The following ATP10A variants were observed in gnomAD, a reference collection of about 807,000 sequenced individuals.
ATP10A encodes ATPase phospholipid transporting 10A (putative).
A neutral mutation model predicts 147.8 loss-of-function variants in ATP10A; 111 were observed. The ratio of observed to expected loss-of-function variants is 0.75; its 90% CI spans 0.64 to 0.88. The LOEUF (loss-of-function observed/expected upper bound fraction) is 0.88, where lower values mean the gene tolerates loss of function less well. ATP10A is among the 40% of genes least tolerant of loss of function. ATP10A has a pLI of 0.00. For missense variants in ATP10A, 1,927 were observed against 1,959.0 expected (o/e 0.98, Z 0.31); for synonymous variants, 875 against 841.6 (o/e 1.04, Z -0.69).
chr15:25,725,351 T>A (rs1026836899), intron 5 of ATP10A, among the ~76,000 whole-genome samples: 1 of 152,044 alleles, frequency 6.6e-6, no homozygotes, highest in Non-Finnish European at 1.5e-5. Context: ...TAGAGGAGGG[T>A]ATAGGTAGGT....
chr15:25,786,241 GTGCC>G (rs1454538833), intron 1 of ATP10A, among the ~76,000 whole-genome samples: 3 of 152,172 alleles, frequency 2.0e-5, no homozygotes, highest in East Asian at 1.9e-4. Flanking sequence ...GGGTTCCTGG[GTGCC>G]TGCCACCCCA....
intron 2 of ATP10A, among the ~76,000 whole-genome samples, chr15:25,780,696 G>C (rs1889875174): frequency 6.6e-6 from 1 of 152,240 alleles, no homozygotes; most frequent in Non-Finnish European, 1.5e-5. Flanking sequence ...TAGTAAACCA[G>C]TGAAACAGCT....
intron 19 of ATP10A, among the ~76,000 whole-genome samples, 167 bp downstream of exon 19, chr15:25,680,643 A>G (rs1020339009): frequency 2.0e-5 from 3 of 152,156 alleles, no homozygotes; most frequent in African/African-American, 7.2e-5. Flanking sequence ...GGCTCCCCAC[A>G]CCACAGGGCT....
At chr15:25,725,479 A>G (rs1457227199) in intron 5 of ATP10A, among the ~76,000 whole-genome samples, 1 of 152,144 alleles carries the variant, frequency 6.6e-6, no homozygotes, top group Non-Finnish European at 1.5e-5. Context: ...ATACTCTGTC[A>G]TGCCCATTCA....
At chr15:25,767,916 C>T (rs1356361265) in intron 2 of ATP10A, among the ~76,000 whole-genome samples, 1 of 152,182 alleles carries the variant, frequency 6.6e-6, no homozygotes, top group East Asian at 1.9e-4. Context: ...AACATGCCAA[C>T]CTGGATGGGT....
intron 2 of ATP10A, among the ~76,000 whole-genome samples, chr15:25,761,683 T>C (rs771112510): frequency 7.2e-5 from 11 of 152,244 alleles, no homozygotes; most frequent in Non-Finnish European, 1.5e-4. Context: ...TGGACTTGCA[T>C]GGGGCCTGTA....
At position 25,862,849 on chromosome 15, in the gene ATP10A, A is replaced by G. The variant is rs893783763; in HGVS notation, c.248T>C (p.Phe83Ser). The G allele has an allele frequency of 7.5e-6, 12 of 1,610,334 alleles. No individual in the cohort carries two copies. The highest frequency in any genetic ancestry group is 1.0e-5 in the Non-Finnish European group (12 of 1,178,520). Residue 83 changes from phenylalanine (F) to serine (S), a missense_variant, in exon 1 of 21, where the codon TTC becomes TCC. Transcript: ENST00000555815. Reference sequence around the variant, plus strand: ...AAAGTACACGTTGGCCGGGCGGTGGAACTGCTCGAACAGGTTCTTGGGCAG... The same window carrying G: ...AAAGTACACGTTGGCCGGGCGGTGGGACTGCTCGAACAGGTTCTTGGGCAG... ...SFLPKNLFEQ[F>S]HRPANVYFVF... is the part of the protein sequence containing the mutation.
At position 25,862,959 on chromosome 15, in the gene ATP10A, C is replaced by T; in HGVS notation, c.138G>A (p.Lys46=). The T allele has an allele frequency of 6.5e-7, 1 of 1,542,400 alleles. No homozygotes were observed. The highest frequency in any genetic ancestry group is 8.7e-7 in the Non-Finnish European group (1 of 1,151,878). ...ACCCGCGCCGCCGTCGCCGCTCGCC[C>T]TTGGCCGCGCCAGCCGCAGGGTCCT... ...GAEDPAAGAA[K]GERRRRRGCA... is the part of the protein sequence containing the mutation. Residue 46 remains lysine, a synonymous_variant, in exon 1 of 21, where the codon AAG becomes AAA. Coordinates refer to ENST00000555815, the MANE Select transcript of ATP10A (RefSeq NM_024490.4).
intron 2 of ATP10A, among the ~76,000 whole-genome samples, chr15:25,768,536 CTCTCT>C (rs1268555923): frequency 8.2e-5 from 9 of 109,788 alleles, no homozygotes; most frequent in Non-Finnish European, 1.7e-4. Context: ...AGAGCTCTCT[CTCTCT>C]TTTTTTTTTT....
At chr15:25,696,001 G>A (rs541437813) in intron 13 of ATP10A, among the ~76,000 whole-genome samples, 3 of 152,218 alleles carry the variant, frequency 2.0e-5, no homozygotes, top group South Asian at 4.2e-4. Flanking sequence ...AGAGAAAGGA[G>A]GAAAACCTAC....
chr15:25,832,740 G>A (rs957927874), intron 1 of ATP10A, among the ~76,000 whole-genome samples: 1 of 152,224 alleles, frequency 6.6e-6, no homozygotes, highest in African/African-American at 2.4e-5. Flanking sequence ...GGGATAAGTT[G>A]TGGCATTCCG....
intron 1 of ATP10A, among the ~76,000 whole-genome samples, chr15:25,836,122 A>C (rs1222797000): frequency 6.6e-6 from 1 of 152,120 alleles, no homozygotes; most frequent in South Asian, 2.1e-4. Context: ...CTAATTTTTC[A>C]ATTTTTAGTA....
intron 1 of ATP10A, among the ~76,000 whole-genome samples, chr15:25,834,401 T>C (rs1290424517): frequency 6.6e-6 from 1 of 152,220 alleles, no homozygotes; most frequent in Non-Finnish European, 1.5e-5. Context: ...TCAAACATCA[T>C]GTACTTAACA....
chr15:25,679,876 T>C lies in ATP10A; in HGVS notation c.3965A>G (p.Lys1322Arg). 6.2e-7 allele frequency: 1 copy of C among 1,610,290 alleles called. No individual in the cohort carries two copies. The highest frequency in any genetic ancestry group is 8.5e-7 in the Non-Finnish European group (1 of 1,179,936). Residue 1322 changes from lysine to arginine, a missense_variant, in exon 21 of 21, where the codon AAA (lysine) becomes AGA (arginine). Physicochemically the swap from Lys to Arg is conservative, Grantham distance 26. Transcript: ENST00000555815. The stretch of plus-strand genomic sequence containing the variant: ...GAGGCGTCCCTGAGCAAAGGTCTCT[T>C]TGGGAGCACTGCATCTCCTGGGGGA... ...RKSPRRCSAP[K>R]ETFAQGRLPK... is the part of the protein sequence containing the mutation.
At chr15:25,682,053 TAAAAA>T (rs5811392) in intron 17 of ATP10A, among the ~76,000 whole-genome samples, 75 of 127,138 alleles carry the variant, frequency 5.9e-4, no homozygotes, top group Admixed American at 9.7e-4. Context: ...GACCTTGTCT[TAAAAA>T]AAAAAAAAAA....
intron 1 of ATP10A, among the ~76,000 whole-genome samples, chr15:25,818,911 T>G (rs2140839234): frequency 6.6e-6 from 1 of 152,206 alleles, no homozygotes; most frequent in Admixed American, 6.5e-5. Context: ...GGGACCCCTA[T>G]CTCTCACTCT....
chr15:25,733,722 T>C (rs1398831227), intron 3 of ATP10A, among the ~76,000 whole-genome samples: 1 of 152,166 alleles, frequency 6.6e-6, no homozygotes, highest in African/African-American at 2.4e-5. Flanking sequence ...CTGGCCCAGA[T>C]GGTGCCTGTG....
intron 1 of ATP10A, among the ~76,000 whole-genome samples, chr15:25,824,553 G>T (rs2044312): frequency 0.81 from 112,439 of 138,306 alleles, 43,967 homozygotes; most frequent in East Asian, 0.86. Context: ...CTCACTTTTT[G>T]TGTGTGTTTT....
chr15:25,760,544 CATGGAAAGA>C (rs1229017985), intron 2 of ATP10A, among the ~76,000 whole-genome samples: 4 of 152,070 alleles, frequency 2.6e-5, no homozygotes, highest in African/African-American at 7.2e-5. Flanking sequence ...CAGGGCAGTT[CATGGAAAGA>C]ATGGAAAGAA....
Sources: allele counts gnomAD v4.1 joint callset (sites outside exome capture counted in the v4.1 genomes callset), GRCh38; gene constraint gnomAD v4.1.1; transcripts MANE v1.5; gene names NCBI Gene and HGNC (gene_info 2026-07-23, HGNC 2026-07-21).